CSPP1: variants seen among roughly 807,000 people sequenced by gnomAD.
CSPP1 encodes the protein centrosome and spindle pole-associated protein 1.
In CSPP1, 126 loss-of-function variants were observed where a neutral mutation model predicts 164.4. The ratio of observed to expected loss-of-function variants is 0.77; its 90% CI spans 0.66 to 0.89. The LOEUF is 0.89. CSPP1 is among the 40% of genes least tolerant of loss of function. CSPP1 has a pLI of 0.00. For synonymous variants in CSPP1, 472 were observed against 476.7 expected, an observed-to-expected ratio of 0.99 and a Z score of 0.13; for missense variants, 1,395 against 1,449.8, an observed-to-expected ratio of 0.96 and a Z score of 0.61.
chr8:67,078,521 T>C (rs1232789649), intron 3 of CSPP1, among the ~76,000 whole-genome samples: 2 of 152,014 alleles, frequency 1.3e-5, no homozygotes, highest in African/African-American at 4.8e-5. Flanking sequence ...CTTTTTTTTA[T>C]ATACATATAT....
At position 67,164,399 on chromosome 8, in the gene CSPP1, A is replaced by G; in HGVS notation, c.2719A>G (p.Lys907Glu). Residue 907 changes from lysine to glutamate, a missense_variant, in exon 24 of 31, where the codon AAA (lysine) becomes GAA (glutamate). Lys to Glu is a moderately conservative substitution (Grantham distance 56). Coordinates refer to ENST00000678616, the MANE Select transcript of CSPP1 (RefSeq NM_001382391.1). ...TCAATGGGAATTTGCAGAGGAGAAA[A>G]AAAATGTAATTATGGAATTATCAGA... ...KNQLRAEEEK[K>E]NVIMELSEMR... The G allele has an allele frequency of 1.9e-6, 3 of 1,558,180 alleles. No homozygotes were observed. The highest frequency in any genetic ancestry group is 2.7e-6 in the Non-Finnish European group (3 of 1,130,570).
chr8:67,089,891 T>C (rs542123389), intron 4 of CSPP1, among the ~76,000 whole-genome samples: 22 of 152,078 alleles, frequency 1.4e-4, no homozygotes, highest in African/African-American at 5.1e-4. Context: ...TGGGCTCAAG[T>C]GTCCCTCCTG....
rs757078413 is a variant in CSPP1, at chr8:67,132,090, C to A, written c.1827+10C>A. 31 of 1,608,930 alleles carry A rather than the reference C, an allele frequency of 1.9e-5. No individual in the cohort carries two copies. The South Asian group carries it at 2.3e-4, about 12-fold the overall frequency. On this transcript the variant is annotated intron_variant, in intron 16 of 30. Transcript: ENST00000678616. ...GGCTTTGCAGCAGCAGGTATTGATT[C>A]ATTTACTCATTTACTGTTGAACCTC...
At chr8:67,188,993 G>A (rs191661941) in intron 28 of CSPP1, among the ~76,000 whole-genome samples, 5 of 152,272 alleles carry the variant, frequency 3.3e-5, no homozygotes, top group East Asian at 3.9e-4. Flanking sequence ...TCTTGGAAGC[G>A]GCCCTCCACC....
intron 3 of CSPP1, chr8:67,083,548 A>AAAAAAAAATATATATAT (rs1332248754): frequency 1.1e-5 from 1 of 91,502 alleles, no homozygotes; most frequent in African/African-American, 4.5e-5. Flanking sequence ...AAAAAAAAAA[A>AAAAAAAAATATATATAT]ATATATATAT....
chr8:67,153,888 C>A, intron 18 of CSPP1, 136 bp from the exon 19 acceptor site: 1 of 541,678 alleles, frequency 1.8e-6, no homozygotes, highest in African/African-American at 2.0e-5. Context: ...CTAATCTCAA[C>A]CTTCCCCTTC....
intron 15 of CSPP1, 67 bp from the exon 16 acceptor site, chr8:67,131,884 A>C: frequency 7.2e-7 from 1 of 1,391,184 alleles, no homozygotes; most frequent in Non-Finnish European, 9.7e-7. Flanking sequence ...TATTTCAAAA[A>C]ACTGTTGTAT....
chr8:67,065,586 T>C, intron 1 of CSPP1: 1 of 817,130 alleles, frequency 1.2e-6, no homozygotes, highest in Non-Finnish European at 1.5e-6. Flanking sequence ...GTCGCTAGCT[T>C]TCTGGTGATT....
Position 67,175,350 on chromosome 8 carries a change from A to G in CSPP1, c.3023A>G (p.His1008Arg). 1 of 1,614,044 alleles carries G rather than the reference A, an allele frequency of 6.2e-7. No individual in the cohort carries two copies. Among genetic ancestry groups the G allele is most frequent in the South Asian group, 1.1e-5 (1 of 91,088 alleles). ...ATGTACCTGGATCCTCCAAGAGATCATCACACCTTAGAGATTCAGCAGCAA... is the reference window on the plus strand; with the variant it reads ...ATGTACCTGGATCCTCCAAGAGATCGTCACACCTTAGAGATTCAGCAGCAA... Reference protein sequence around the residue: ...KFMYLDPPRDHHTLEIQQQAL... With the variant: ...KFMYLDPPRDRHTLEIQQQAL... Residue 1008 changes from histidine to arginine, a missense_variant, in exon 26 of 31, where the codon CAT (histidine) becomes CGT (arginine). Coordinates refer to ENST00000678616, the MANE Select transcript of CSPP1 (RefSeq NM_001382391.1).
At chr8:67,118,687 A>G (rs1160392324) in intron 14 of CSPP1, 56 bp from the exon 15 acceptor site, 7 of 1,198,944 alleles carry the variant, frequency 5.8e-6, no homozygotes, top group Admixed American at 2.1e-5. Flanking sequence ...TAAGTAAAAT[A>G]TTATTAAATG....
chr8:67,087,760 T>C (rs1351708401), intron 4 of CSPP1, among the ~76,000 whole-genome samples: 2 of 152,240 alleles, frequency 1.3e-5, no homozygotes, highest in African/African-American at 4.8e-5. Context: ...AGTGGATTTT[T>C]AACTTGTTAT....
chr8:67,115,188 G>A (rs1345935779), intron 12 of CSPP1: 1 of 152,194 alleles, frequency 6.6e-6, no homozygotes. Context: ...TGCTGACCCT[G>A]TTTTACAGAA....
chr8:67,118,314 T>C lies in CSPP1; in HGVS notation c.1563T>C (p.Asp521=), dbSNP rs775319498. ...PLATNYRTPY[D]DAYYFYGSRN... ...CTACTAACTATCGAACTCCTTATGA[T>C]GATGCATACTATTTTTATGGGTCCA... Residue 521 remains aspartate (D), a synonymous_variant, in exon 14 of 31, where the codon GAT becomes GAC. Coordinates refer to ENST00000678616, the MANE Select transcript of CSPP1 (RefSeq NM_001382391.1). 6.2e-7 allele frequency: 1 copy of C among 1,613,412 alleles called. No individual in the cohort carries two copies. The highest frequency in any genetic ancestry group is 2.2e-5 in the East Asian group (1 of 44,858).
intron 18 of CSPP1, among the ~76,000 whole-genome samples, chr8:67,153,430 A>T (rs1826079331): frequency 6.6e-6 from 1 of 152,094 alleles, no homozygotes; most frequent in Non-Finnish European, 1.5e-5. Flanking sequence ...ATACTAAAAA[A>T]TTTTTGTTCA....
chr8:67,090,737 G>A lies in CSPP1; in HGVS notation c.304-1066G>A, dbSNP rs182442510. ...CTGAATTGTAAATCCCTTGAATATA[G>A]GGAAAATATATTTGTATCCCTACCA... On this transcript the variant is annotated intron_variant, in intron 4 of 30. Coordinates refer to ENST00000678616, the MANE Select transcript of CSPP1 (RefSeq NM_001382391.1). 1.1e-4 allele frequency among the ~76,000 whole-genome samples: 17 copies of A among 152,230 alleles called. No homozygotes were observed. In the East Asian group the frequency reaches 3.3e-3, roughly 29 times the overall value.
chr8:67,173,566 A>T (rs1006878799), intron 25 of CSPP1: 2 of 152,196 alleles, frequency 1.3e-5, no homozygotes, highest in African/African-American at 2.4e-5. Flanking sequence ...ACAGAAAGAT[A>T]GTAAGAAGGA....
At chr8:67,103,755 G>A (rs1022074660) in intron 8 of CSPP1, among the ~76,000 whole-genome samples, 1 of 150,846 alleles carries the variant, frequency 6.6e-6, no homozygotes, top group Non-Finnish European at 1.5e-5. Flanking sequence ...CAGGAGAATG[G>A]CGTGAACCCA....
At chr8:67,069,588 T>G (rs1245587152) in intron 1 of CSPP1, among the ~76,000 whole-genome samples, 3 of 151,704 alleles carry the variant, frequency 2.0e-5, no homozygotes, top group African/African-American at 7.3e-5. Context: ...AAACCTTAGT[T>G]CCATGTGAAG....
chr8:67,194,174 C>T (rs1837221542), intron 30 of CSPP1, among the ~76,000 whole-genome samples: 1 of 152,204 alleles, frequency 6.6e-6, no homozygotes, highest in Non-Finnish European at 1.5e-5. Context: ...CAGCCCTACA[C>T]CACCCTTTTC....
Sources: gnomAD v4.1 joint callset for allele counts (sites outside exome capture counted in the v4.1 genomes callset) on GRCh38, gnomAD v4.1.1 for gene constraint, MANE v1.5 for transcripts, NCBI Gene and HGNC (gene_info 2026-07-23, HGNC 2026-07-21) for gene names.